Variants in TTC34 observed in about 807,000 individuals in gnomAD.
TTC34 encodes the protein tetratricopeptide repeat domain 34.
A neutral mutation model predicts 40.7 loss-of-function variants in TTC34; 44 were observed. The observed-to-expected ratio is 1.08, with a 90% CI of 0.85 to 1.39. The LOEUF is 1.39. TTC34 is among the 40% of genes most tolerant of loss of function. The pLI is 0.00. For missense variants in TTC34, 884 were observed against 838.0 expected, an observed-to-expected ratio of 1.05 and a Z score of -0.68; for synonymous variants, 422 against 398.6, an observed-to-expected ratio of 1.06 and a Z score of -0.70.
chr1:2,700,179 T>C (rs906860823), intron 6 of TTC34, among the ~76,000 whole-genome samples: 2 of 85,910 alleles, frequency 2.3e-5, no homozygotes, highest in Admixed American at 1.4e-4. Context: ...CTCCCCCAGG[T>C]GAGCATCCGA....
At chr1:2,755,896 A>T (rs1641488747) in intron 6 of TTC34, among the ~76,000 whole-genome samples, 1 of 75,140 alleles carries the variant, frequency 1.3e-5, no homozygotes, top group Admixed American at 1.2e-4. Flanking sequence ...CTTGAGCAGC[A>T]CCCACACCCC....
intron 6 of TTC34, among the ~76,000 whole-genome samples, chr1:2,753,250 C>T (rs1453283204): frequency 1.5e-5 from 2 of 133,182 alleles, no homozygotes; most frequent in Non-Finnish European, 3.2e-5. Context: ...GGAGCAGCAC[C>T]CACACCCCAG....
At chr1:2,759,423 GATC>G (rs1641617172) in intron 6 of TTC34, among the ~76,000 whole-genome samples, 1 of 102,404 alleles carries the variant, frequency 9.8e-6, no homozygotes, top group Non-Finnish European at 1.9e-5. Flanking sequence ...TGACAGCCTG[GATC>G]AGCACCCACA....
chr1:2,753,402 A>T (rs1157589948), intron 6 of TTC34, among the ~76,000 whole-genome samples: 2 of 118,514 alleles, frequency 1.7e-5, no homozygotes, highest in African/African-American at 3.7e-5. Flanking sequence ...GACAGCATGT[A>T]ACAGCACCCA....
chr1:2,752,517 G>C (rs1641356767), intron 6 of TTC34, among the ~76,000 whole-genome samples: 23 of 139,182 alleles, frequency 1.7e-4, no homozygotes, highest in Non-Finnish European at 9.2e-5. Context: ...TGACAGCCTG[G>C]AGCAGCACCC....
At chr1:2,787,703 G>A (rs557794213) in exon 4 of TTC34, 6 of 1,541,194 alleles carry the variant, frequency 3.9e-6, no homozygotes, top group Admixed American at 4.0e-5. Flanking sequence ...CGCCGCAGGC[G>A]ACCCTGTGTG....
chr1:2,795,218 C>T (rs1404985872), intron 2 of TTC34, among the ~76,000 whole-genome samples: 4 of 152,190 alleles, frequency 2.6e-5, no homozygotes, highest in Admixed American at 6.5e-5. Context: ...AACTGCACTC[C>T]AGCCTGGGAG....
chr1:2,691,560 A>T (rs1203491733), intron 6 of TTC34, among the ~76,000 whole-genome samples: 2 of 131,660 alleles, frequency 1.5e-5, no homozygotes, highest in Admixed American at 1.6e-4. Context: ...TGAGCATCTG[A>T]CAGACTGGAA....
intron 6 of TTC34, among the ~76,000 whole-genome samples, chr1:2,687,396 G>A (rs1245283915): frequency 6.6e-6 from 1 of 151,090 alleles, no homozygotes; most frequent in Non-Finnish European, 1.5e-5. Context: ...GCCTGGAACG[G>A]CACCCACACC....
intron 6 of TTC34, among the ~76,000 whole-genome samples, chr1:2,755,824 C>A (rs1274909877): frequency 1.6e-3 from 108 of 67,386 alleles, no homozygotes; most frequent in African/African-American, 3.9e-3. Context: ...GCACCCACAA[C>A]CACAGGTGAG....
At chr1:2,643,408 C>T (rs1394041371) in intron 8 of TTC34, among the ~76,000 whole-genome samples, 1 of 152,234 alleles carries the variant, frequency 6.6e-6, no homozygotes, top group East Asian at 1.9e-4. Flanking sequence ...GCCCCGCCTC[C>T]GGGCTCGGTG....
exon 2 of TTC34, chr1:2,800,660 C>T (rs1028182666): frequency 6.0e-5 from 24 of 398,540 alleles, no homozygotes; most frequent in South Asian, 2.5e-4. Flanking sequence ...CCACCACCGC[C>T]GCCCCCCGAG....
intron 6 of TTC34, among the ~76,000 whole-genome samples, chr1:2,754,157 G>C (rs1386148977): frequency 1.1e-4 from 2 of 18,962 alleles, no homozygotes; most frequent in Non-Finnish European, 1.6e-4. Flanking sequence ...CGCATCTGAT[G>C]GTCTGGAGCA....
intron 6 of TTC34, among the ~76,000 whole-genome samples, chr1:2,752,498 G>A (rs1420888356): frequency 3.0e-4 from 16 of 53,422 alleles, no homozygotes; most frequent in Admixed American, 8.8e-4. Flanking sequence ...ACACAGCCAG[G>A]TGAGCATCTG....
At chr1:2,684,426 C>G (rs201305205) in intron 6 of TTC34, among the ~76,000 whole-genome samples, 760 of 31,906 alleles carry the variant, frequency 0.024, 1 homozygote, top group African/African-American at 0.04. Context: ...GACTGGAACA[C>G]CACCCTGCAC....
chr1:2,787,882 C>T (rs1643612694), intron 3 of TTC34, among the ~76,000 whole-genome samples, 176 bp from the exon 4 acceptor site: 1 of 152,260 alleles, frequency 6.6e-6, no homozygotes, highest in African/African-American at 2.4e-5. Flanking sequence ...TAGCATGCGG[C>T]CCTCACGCTC....
At chr1:2,649,128 C>G (rs1639076628) in intron 6 of TTC34, among the ~76,000 whole-genome samples, 1 of 151,474 alleles carries the variant, frequency 6.6e-6, no homozygotes, top group African/African-American at 2.4e-5. Flanking sequence ...CCCCACACCC[C>G]CAGGTGAGTG....
At position 2,691,001 on chromosome 1, in the gene TTC34, G is replaced by T. The variant is rs1557618562; in HGVS notation, c.2227-45438C>A. On this transcript the variant is annotated intron_variant, in intron 6 of 8. Transcript: ENST00000401095. ...CACACCCCTAGGAGAGCATCCGGCA[G>T]CCTGGAGCGGAACCCACACCAACAG... is the stretch of plus-strand genomic sequence containing the variant. Among the ~76,000 whole-genome samples, 2 of 81,956 alleles carry T rather than the reference G, an allele frequency of 2.4e-5. 1 individual carries two copies. The highest frequency in any genetic ancestry group is 6.0e-5 in the Non-Finnish European group (2 of 33,590). 53.8% of individuals were successfully genotyped at this position (81,956 alleles called of 152,430 possible). A position where few individuals can be genotyped will look rare whatever the true frequency, so the allele number is the denominator to read the frequency against.
chr1:2,800,542 C>G (rs1019158279), exon 2 of TTC34: 6 of 398,302 alleles, frequency 1.5e-5, no homozygotes, highest in Non-Finnish European at 2.7e-5. Flanking sequence ...GGGCAGAGGG[C>G]GCCGAGGAAG....
Sources: allele counts gnomAD v4.1 joint callset (sites outside exome capture counted in the v4.1 genomes callset), GRCh38; gene constraint gnomAD v4.1.1; transcripts MANE v1.5; gene names NCBI Gene and HGNC (gene_info 2026-07-23, HGNC 2026-07-21).